The following CELF6 variants were observed in gnomAD, a reference collection of about 807,000 sequenced individuals.
CELF6 encodes Bruno -like 6, RNA binding protein.
In CELF6, 32 loss-of-function variants were observed where a neutral mutation model predicts 53.1. The observed-to-expected ratio is 0.60, with a 90% CI of 0.46 to 0.81. CELF6 has a LOEUF of 0.81. Ranked by LOEUF, CELF6 falls within the 30% of genes least tolerant of loss-of-function variation. CELF6 has a pLI of 0.00. For missense variants in CELF6, 539 were observed against 669.5 expected, an observed-to-expected ratio of 0.81 and a Z score of 2.15; for synonymous variants, 291 against 288.8, an observed-to-expected ratio of 1.01 and a Z score of -0.08.
intron 3 of CELF6, among the ~76,000 whole-genome samples, chr15:72,300,027 C>T (rs1183792922): frequency 6.6e-6 from 1 of 152,048 alleles, no homozygotes; most frequent in Non-Finnish European, 1.5e-5. Context: ...TTGCAGGCAT[C>T]GAATTAACAA....
At chr15:72,306,641 C>T (rs964496244) in intron 2 of CELF6, among the ~76,000 whole-genome samples, 3 of 151,930 alleles carry the variant, frequency 2.0e-5, no homozygotes, top group Non-Finnish European at 2.9e-5. Context: ...ACACACCCAC[C>T]CGCTGGTGGT....
rs1281223799 is a variant in CELF6 at position 72,286,450 on chromosome 15, T to A, written c.*29-108A>T. 2.6e-5 allele frequency: 4 copies of A among 152,656 alleles called. No individual in the cohort carries two copies. In the East Asian group the frequency reaches 7.7e-4, roughly 29 times the overall value. 9.5% of individuals were successfully genotyped at this position (152,656 alleles called of 1,614,324 possible). On this transcript the variant is annotated intron_variant, in intron 12 of 12. Transcript: ENST00000287202. ...TTGCCCCCATGAGTGACGTCTCAGG[T>A]GAGTGGCTGGACCTCTCTTCCTGAG...
At chr15:72,300,427 A>G (rs1023041724) in intron 3 of CELF6, among the ~76,000 whole-genome samples, 1 of 152,096 alleles carries the variant, frequency 6.6e-6, no homozygotes, top group Non-Finnish European at 1.5e-5. Context: ...AAAATATACA[A>G]TATGTATGTT....
chr15:72,320,103 C>A lies in CELF6; in HGVS notation c.-229G>T, dbSNP rs1265708493. ...CCCGGGCCGAGGTGGCGGCTGAACG[C>A]TGGGGTCTGGCTTGAGGTCCCCGTG... On this transcript the variant is annotated 5_prime_UTR_variant, in exon 1 of 13. Transcript: ENST00000287202. The A allele has an allele frequency of 3.1e-6, 2 of 652,362 alleles. No individual in the cohort carries two copies. Among genetic ancestry groups the A allele is most frequent in the Non-Finnish European group, 5.6e-6 (2 of 355,194 alleles). The allele number at this position is 652,362 out of a possible 1,614,324, so 40.4% of individuals were successfully genotyped here. A position where few individuals can be genotyped will look rare whatever the true frequency, so the allele number is the denominator to read the frequency against.
Position 72,289,576 on chromosome 15 carries a change from G to T in CELF6, c.747+51C>A, listed in dbSNP as rs1042806233. 13 of 1,476,992 alleles carry T rather than the reference G, an allele frequency of 8.8e-6. No individual in the cohort carries two copies. Among genetic ancestry groups the T allele is most frequent in the Non-Finnish European group, 1.2e-5 (13 of 1,120,880 alleles). The allele number at this position is 1,476,992 out of a possible 1,614,324, so 91.5% of individuals were successfully genotyped here. On this transcript the variant is annotated intron_variant, in intron 6 of 12. Transcript: ENST00000287202. The surrounding 1 kb of genome is among the most constrained non-coding windows in gnomAD (Gnocchi z 7.6). ...GCAGCTGCCCGTGCTCTCAGCCCCA[G>T]GCCTGGCCCACCCACCTGCGCGCCC...
At chr15:72,300,107 C>T (rs2088132494) in intron 3 of CELF6, among the ~76,000 whole-genome samples, 1 of 152,024 alleles carries the variant, frequency 6.6e-6, no homozygotes. Flanking sequence ...GTAATCCCAA[C>T]GTTTTGGGAA....
At chr15:72,307,954 A>G (rs1043621862) in intron 2 of CELF6, among the ~76,000 whole-genome samples, 2 of 151,002 alleles carry the variant, frequency 1.3e-5, no homozygotes, top group Non-Finnish European at 3.0e-5. Flanking sequence ...AGGGAGCTGC[A>G]ATGGCTAGGG....
Position 72,288,764 on chromosome 15 carries a change from G to A in CELF6, c.1093+104C>T. On this transcript the variant is annotated intron_variant, in intron 9 of 12. Transcript: ENST00000287202. The surrounding 1 kb of genome is among the most constrained non-coding windows in gnomAD (Gnocchi z 4.6). Reference sequence around the variant, plus strand: ...GGTCGTTCTGGGGGTAGGAGGGGATGGGAGGATCAACTCCTTGGAACAGAG... The same window carrying A: ...GGTCGTTCTGGGGGTAGGAGGGGATAGGAGGATCAACTCCTTGGAACAGAG... 1.5e-6 allele frequency: 2 copies of A among 1,349,666 alleles called. No homozygotes were observed. Among genetic ancestry groups the A allele is most frequent in the Non-Finnish European group, 2.1e-6 (2 of 962,176 alleles). 83.6% of individuals were successfully genotyped at this position (1,349,666 alleles called of 1,614,324 possible).
chr15:72,302,694 G>A (rs1004326609), intron 3 of CELF6, among the ~76,000 whole-genome samples: 5 of 152,192 alleles, frequency 3.3e-5, no homozygotes, highest in African/African-American at 1.2e-4. Flanking sequence ...CCCTAGCATT[G>A]TGGACTTAGT....
At chr15:72,310,694 T>C (rs919602886) in intron 2 of CELF6, among the ~76,000 whole-genome samples, 6 of 152,110 alleles carry the variant, frequency 3.9e-5, no homozygotes, top group Non-Finnish European at 8.8e-5. Flanking sequence ...TCTCACTATG[T>C]TGTCCAGGCT....
At chr15:72,301,014 C>T (rs2088148651) in intron 3 of CELF6, among the ~76,000 whole-genome samples, 1 of 151,636 alleles carries the variant, frequency 6.6e-6, no homozygotes, top group African/African-American at 2.4e-5. Context: ...GACAGGGTCT[C>T]ATTCATTCAC....
intron 2 of CELF6, 62 bp downstream of exon 2, chr15:72,315,783 A>G: frequency 1.7e-6 from 2 of 1,171,576 alleles, no homozygotes; most frequent in Non-Finnish European, 2.4e-6. Context: ...CTGCTTTGGC[A>G]TGCACACAGG....
rs1378822570 is a variant in CELF6, at chr15:72,287,278, T to C, written c.1433A>G (p.Asn478Ser). 2.5e-6 allele frequency: 4 copies of C among 1,613,946 alleles called. No individual in the cohort carries two copies. Among genetic ancestry groups the C allele is most frequent in the African/African-American group, 2.7e-5 (2 of 74,932 alleles). Reference sequence around the variant, plus strand: ...AGTGAAAGCAGGTCAGTAAGGCCGGTTGGCATCCTTGGGCCGCTTTAGCTG... The same window carrying C: ...AGTGAAAGCAGGTCAGTAAGGCCGGCTGGCATCCTTGGGCCGCTTTAGCTG... ...KVQLKRPKDA[N>S]RPY The change falls in exon 12 of 13, where the codon AAC (asparagine) becomes AGC (serine). Residue 478 changes from asparagine to serine, a missense_variant. This residue lies in a region of CELF6 where 358 missense variants were observed against 412.8 expected (regional missense o/e 0.87). Transcript: ENST00000287202.
At chr15:72,301,633 T>C (rs2088156561) in intron 3 of CELF6, among the ~76,000 whole-genome samples, 1 of 152,180 alleles carries the variant, frequency 6.6e-6, no homozygotes. Flanking sequence ...TTATAGAATG[T>C]TTGAGGTCAC....
At chr15:72,308,388 C>T (rs59751560) in intron 2 of CELF6, among the ~76,000 whole-genome samples, 2,331 of 152,038 alleles carry the variant, frequency 0.015, 64 homozygotes, top group African/African-American at 0.053. Flanking sequence ...CCACCATGCC[C>T]GGCTAATTTT....
At chr15:72,311,404 T>C (rs2088294226) in intron 2 of CELF6, among the ~76,000 whole-genome samples, 1 of 138,774 alleles carries the variant, frequency 7.2e-6, no homozygotes, top group Non-Finnish European at 1.5e-5. Flanking sequence ...TCACCTTTTT[T>C]CTTTTTTTTT....
chr15:72,310,241 T>C (rs528443221), intron 2 of CELF6, among the ~76,000 whole-genome samples: 5 of 152,258 alleles, frequency 3.3e-5, no homozygotes, highest in Admixed American at 2.0e-4. Flanking sequence ...CTGGGAAAGG[T>C]GTCAGGAGGT....
intron 2 of CELF6, among the ~76,000 whole-genome samples, chr15:72,312,170 C>T (rs1048341296): frequency 6.6e-6 from 1 of 152,164 alleles, no homozygotes; most frequent in African/African-American, 2.4e-5. Flanking sequence ...GGAATTCTGG[C>T]TTCATCAGGA....
At chr15:72,305,675 A>G (rs1330697576) in intron 2 of CELF6, among the ~76,000 whole-genome samples, 1 of 151,852 alleles carries the variant, frequency 6.6e-6, no homozygotes, top group African/African-American at 2.4e-5. Flanking sequence ...CTTTTCTTGG[A>G]TAGTCTCATC....
Sources: gnomAD v4.1 joint callset for allele counts (sites outside exome capture counted in the v4.1 genomes callset) on GRCh38, gnomAD v4.1.1 for gene constraint, gnomAD v4.1.1 regional missense constraint, Gnocchi (gnomAD v3.1) non-coding constraint, MANE v1.5 for transcripts, NCBI Gene and HGNC (gene_info 2026-07-23, HGNC 2026-07-21) for gene names.